CACNA1E: variants seen among roughly 807,000 people sequenced by gnomAD.
CACNA1E encodes the protein calcium voltage-gated channel subunit alpha1 E, also known as voltage-dependent R-type calcium channel subunit alpha-1E.
In CACNA1E, 40 loss-of-function variants were observed where a neutral mutation model predicts 259.2. The ratio of observed to expected loss-of-function variants is 0.15; its 90% CI spans 0.12 to 0.20. The LOEUF (loss-of-function observed/expected upper bound fraction) is 0.20, where lower values mean the gene tolerates loss of function less well. CACNA1E is among the 10% of genes least tolerant of loss of function. The pLI, the probability that CACNA1E is intolerant of heterozygous loss-of-function variation, is 1.00. For missense variants in CACNA1E, 1,874 were observed against 3,040.1 expected, an observed-to-expected ratio of 0.62 and a Z score of 9.02; for synonymous variants, 1,104 against 1,138.5, an observed-to-expected ratio of 0.97 and a Z score of 0.61.
chr1:181,602,633 A>T (rs1257798381), intron 6 of CACNA1E, among the ~76,000 whole-genome samples: 1 of 152,168 alleles, frequency 6.6e-6, no homozygotes, highest in Non-Finnish European at 1.5e-5. Context: ...TGTTACTCTC[A>T]TAGTCTTTGC....
chr1:181,692,783 C>T (rs1385341939), intron 7 of CACNA1E, among the ~76,000 whole-genome samples: 1 of 151,838 alleles, frequency 6.6e-6, no homozygotes, highest in Non-Finnish European at 1.5e-5. Flanking sequence ...CAATAAAAAA[C>T]AATTGACAAG....
In CACNA1E at chr1:181,801,517, C is replaced by T. The variant is rs1263910057; in HGVS notation, c.*2683C>T. 1 of 152,140 alleles carries T rather than the reference C, an allele frequency of 6.6e-6. No homozygotes were observed. The highest frequency in any genetic ancestry group is 1.5e-5 in the Non-Finnish European group (1 of 68,032). The allele number at this position is 152,140 out of a possible 1,614,324, so 9.4% of individuals were successfully genotyped here. A position where few individuals can be genotyped will look rare whatever the true frequency, so the allele number is the denominator to read the frequency against. On this transcript the variant is annotated 3_prime_UTR_variant, in exon 48 of 48. Transcript: ENST00000367573. ...GACCAAGAAATTGGGTTTCTTTTCC[C>T]TCAGCCTGCACTTACTCTTCTATTA...
At position 181,736,346 on chromosome 1, in the gene CACNA1E, GAGA is replaced by G; in HGVS notation, c.3343_3345del (p.Lys1115del). On this transcript the variant is annotated inframe_deletion, in exon 22 of 48. Transcript: ENST00000367573. ...GATCAGAGAGGATGAGGAGGAGGTG[GAGA>G]AGAAGAAGCAGAAGAAGGAGAAGCG... The G allele has an allele frequency of 6.2e-7, 1 of 1,609,508 alleles. No individual in the cohort carries two copies. Among genetic ancestry groups the G allele is most frequent in the Non-Finnish European group, 8.5e-7 (1 of 1,177,764 alleles).
chr1:181,577,942 G>T, intron 4 of CACNA1E, 73 bp downstream of exon 4: 1 of 974,596 alleles, frequency 1.0e-6, no homozygotes. Flanking sequence ...CAGGTCTAAG[G>T]GAATTTGGGA....
At chr1:181,657,051 A>G (rs1349240159) in intron 7 of CACNA1E, among the ~76,000 whole-genome samples, 1 of 152,200 alleles carries the variant, frequency 6.6e-6, no homozygotes, top group Non-Finnish European at 1.5e-5. Flanking sequence ...ACATGACTGT[A>G]TGAATATATG....
At chr1:181,692,826 G>A (rs893955709) in intron 7 of CACNA1E, among the ~76,000 whole-genome samples, 4 of 151,900 alleles carry the variant, frequency 2.6e-5, no homozygotes, top group African/African-American at 9.7e-5. Context: ...GCTCTGTATG[G>A]CAAAAGAAGT....
chr1:181,374,528 T>G (rs941897221), intron 1 of CACNA1E, among the ~76,000 whole-genome samples: 1 of 152,138 alleles, frequency 6.6e-6, no homozygotes, highest in African/African-American at 2.4e-5. Flanking sequence ...AGTGATACGA[T>G]CATGCCTAAC....
intron 3 of CACNA1E, among the ~76,000 whole-genome samples, chr1:181,537,955 C>T (rs138003697): frequency 1.3e-3 from 194 of 152,262 alleles, no homozygotes; most frequent in African/African-American, 3.9e-3. Context: ...TATATTGGAA[C>T]AACAAAAATG....
intron 6 of CACNA1E, among the ~76,000 whole-genome samples, chr1:181,645,580 T>C (rs1007889386): frequency 4.6e-5 from 7 of 152,232 alleles, no homozygotes; most frequent in African/African-American, 1.7e-4. Context: ...TCCCGTGTTA[T>C]TGTTTTCCCT....
intron 1 of CACNA1E, among the ~76,000 whole-genome samples, chr1:181,391,899 C>G (rs1042343404): frequency 1.5e-4 from 23 of 150,076 alleles, no homozygotes; most frequent in Non-Finnish European, 3.1e-4. Context: ...CTGTCTCTGT[C>G]TCTCTCTCTG....
intron 6 of CACNA1E, among the ~76,000 whole-genome samples, chr1:181,612,716 C>T (rs947462133): frequency 1.2e-4 from 18 of 152,314 alleles, no homozygotes; most frequent in African/African-American, 2.4e-4. Context: ...ATATTCATAA[C>T]GGCTCTTTGC....
chr1:181,343,998 C>A (rs1652394849), intron 1 of CACNA1E, among the ~76,000 whole-genome samples: 1 of 152,216 alleles, frequency 6.6e-6, no homozygotes, highest in African/African-American at 2.4e-5. Context: ...CTTCAATCAG[C>A]TTGCATACCT....
intron 1 of CACNA1E, among the ~76,000 whole-genome samples, chr1:181,503,458 T>C (rs1665438826): frequency 6.6e-6 from 1 of 152,188 alleles, no homozygotes; most frequent in Admixed American, 6.5e-5. Context: ...CTTTCCATAT[T>C]CTCAGGAGGT....
intron 1 of CACNA1E, among the ~76,000 whole-genome samples, chr1:181,347,442 A>T (rs1289590765): frequency 6.6e-6 from 1 of 152,164 alleles, no homozygotes; most frequent in Non-Finnish European, 1.5e-5. Flanking sequence ...TCTATGAATC[A>T]ATGTGCAGCT....
intron 1 of CACNA1E, among the ~76,000 whole-genome samples, chr1:181,497,401 T>C (rs1004743638): frequency 1.3e-5 from 2 of 152,220 alleles, no homozygotes; most frequent in African/African-American, 4.8e-5. Context: ...ATTTCTCTTT[T>C]TATCTTACCT....
chr1:181,558,274 G>A (rs1648950982), intron 3 of CACNA1E, among the ~76,000 whole-genome samples: 1 of 152,066 alleles, frequency 6.6e-6, no homozygotes, highest in Non-Finnish European at 1.5e-5. Flanking sequence ...TGGAGTTTGG[G>A]CTTGATTTTC....
chr1:181,465,536 G>C (rs1312518995), intron 2 of CACNA1E, among the ~76,000 whole-genome samples: 2 of 151,818 alleles, frequency 1.3e-5, no homozygotes, highest in African/African-American at 4.8e-5. Context: ...ATCTCCCTGG[G>C]CTGTATACTG....
At chr1:181,368,680 C>T (rs1257619279) in intron 1 of CACNA1E, among the ~76,000 whole-genome samples, 2 of 152,150 alleles carry the variant, frequency 1.3e-5, no homozygotes, top group African/African-American at 4.8e-5. Context: ...TTAACATGAG[C>T]GGCTTCAGTA....
chr1:181,467,456 A>T (rs2102399002), intron 2 of CACNA1E, among the ~76,000 whole-genome samples: 1 of 152,278 alleles, frequency 6.6e-6, no homozygotes, highest in East Asian at 1.9e-4. Flanking sequence ...TAGGATCCAA[A>T]GTGTCAGGAG....
Sources: gnomAD v4.1 joint callset for allele counts (sites outside exome capture counted in the v4.1 genomes callset) on GRCh38, gnomAD v4.1.1 for gene constraint, MANE v1.5 for transcripts, NCBI Gene and HGNC (gene_info 2026-07-23, HGNC 2026-07-21) for gene names.